TRHDE: variants seen among roughly 807,000 people sequenced by gnomAD.
TRHDE encodes thyrotropin-releasing hormone-degrading ectoenzyme.
TRHDE carries 72 observed loss-of-function variants against 125.7 expected under a neutral mutation model. The observed-to-expected ratio is 0.57, with a 90% CI of 0.47 to 0.70. TRHDE has a LOEUF of 0.70. TRHDE is among the 30% of genes least tolerant of loss of function. TRHDE has a pLI of 0.00. For missense variants in TRHDE, 1,110 were observed against 1,327.1 expected (o/e 0.84, Z 2.54); for synonymous variants, 509 against 509.1 (o/e 1.00, Z 0.00).
intron 3 of TRHDE, among the ~76,000 whole-genome samples, chr12:72,448,641 A>T (rs1875418921): frequency 6.6e-6 from 1 of 151,948 alleles, no homozygotes. Flanking sequence ...CTGAATTGTG[A>T]CATTAAGAAT....
intron 6 of TRHDE, among the ~76,000 whole-genome samples, chr12:72,509,231 T>C (rs1307649442): frequency 6.6e-6 from 1 of 152,066 alleles, no homozygotes; most frequent in Non-Finnish European, 1.5e-5. Context: ...CTGTGTCATA[T>C]TGTGCCAGTT....
intron 2 of TRHDE, among the ~76,000 whole-genome samples, chr12:72,353,616 G>A (rs1035106387): frequency 1.3e-5 from 2 of 151,446 alleles, no homozygotes; most frequent in Admixed American, 1.3e-4. Context: ...TCACAGAGCA[G>A]TTAATATACT....
intron 12 of TRHDE, among the ~76,000 whole-genome samples, chr12:72,594,149 C>T (rs1871819445): frequency 1.3e-5 from 2 of 152,100 alleles, no homozygotes; most frequent in African/African-American, 4.8e-5. Flanking sequence ...AAAAGCATTC[C>T]TATTTCTCCA....
chr12:72,337,413 G>A (rs996921881), intron 2 of TRHDE, among the ~76,000 whole-genome samples: 1 of 152,144 alleles, frequency 6.6e-6, no homozygotes, highest in African/African-American at 2.4e-5. Context: ...CAATACACAC[G>A]TGCTGTGATG....
chr12:72,563,586 C>T (rs1248129229), intron 9 of TRHDE, among the ~76,000 whole-genome samples: 1 of 152,140 alleles, frequency 6.6e-6, no homozygotes, highest in Non-Finnish European at 1.5e-5. Flanking sequence ...AGACAGCATA[C>T]ACAGAATCTT....
intron 9 of TRHDE, among the ~76,000 whole-genome samples, chr12:72,563,262 CA>C (rs1369727357): frequency 2.6e-5 from 4 of 152,170 alleles, no homozygotes; most frequent in Admixed American, 1.3e-4. Context: ...TTTAGGAAGA[CA>C]GAATTTTAAA....
chr12:72,195,188 C>T (rs945692510), intron 2 of TRHDE, among the ~76,000 whole-genome samples: 1 of 152,094 alleles, frequency 6.6e-6, no homozygotes, highest in South Asian at 2.1e-4. Flanking sequence ...GATTCAATTA[C>T]ATCCCACTGA....
intron 2 of TRHDE, among the ~76,000 whole-genome samples, chr12:72,221,739 AC>A (rs113417254): frequency 1.3e-5 from 2 of 152,232 alleles, no homozygotes; most frequent in Admixed American, 6.6e-5. Context: ...GGGGAAAAAA[AC>A]CAAATTTAGG....
chr12:72,570,090 A>G (rs1414511074), intron 10 of TRHDE, among the ~76,000 whole-genome samples: 1 of 152,212 alleles, frequency 6.6e-6, no homozygotes, highest in Non-Finnish European at 1.5e-5. Context: ...GGAAGGTAGA[A>G]TGGAAATGGG....
At chr12:72,619,146 A>G in intron 13 of TRHDE, 108 bp downstream of exon 13, 1 of 866,346 alleles carries the variant, frequency 1.2e-6, no homozygotes, top group Non-Finnish European at 1.6e-6. Flanking sequence ...TTGTTCTTCT[A>G]GTTTGTGTTA....
At chr12:72,363,955 C>T (rs969768414) in intron 2 of TRHDE, among the ~76,000 whole-genome samples, 8 of 152,020 alleles carry the variant, frequency 5.3e-5, no homozygotes, top group African/African-American at 1.9e-4. Flanking sequence ...ACAAAAATCA[C>T]AAGCATTGTT....
intron 2 of TRHDE, among the ~76,000 whole-genome samples, chr12:72,121,499 C>T (rs191449342): frequency 1.3e-5 from 2 of 152,246 alleles, no homozygotes; most frequent in Admixed American, 1.3e-4. Flanking sequence ...TACAGGGCAG[C>T]ACTGAGTTCC....
chr12:72,217,575 C>T (rs1359886941), intron 2 of TRHDE, among the ~76,000 whole-genome samples: 1 of 152,112 alleles, frequency 6.6e-6, no homozygotes, highest in Non-Finnish European at 1.5e-5. Context: ...CCTTGTTAAT[C>T]TCTATAAAAC....
chr12:72,277,775 A>T (rs1277600050), intron 1 of TRHDE, among the ~76,000 whole-genome samples: 7 of 152,148 alleles, frequency 4.6e-5, no homozygotes, highest in Non-Finnish European at 1.0e-4. Context: ...CTGTAGTGCC[A>T]TTTGATTTGA....
At position 72,109,313 on chromosome 12, in the gene TRHDE, T is replaced by C. The variant is rs1875263302; in HGVS notation, n.279+3561T>C. On this transcript the variant is annotated intron_variant and non_coding_transcript_variant, in intron 2 of 4. Coordinates refer to the TRHDE transcript ENST00000548156. ...ATACTATAAAAGATGCTATTTTTGC[T>C]CTTAATCTCTTAAGCTTTCTTTTTG... 2.6e-5 allele frequency among the ~76,000 whole-genome samples: 4 copies of C among 152,232 alleles called. No homozygotes were observed. The South Asian group carries it at 8.3e-4, about 32-fold the overall frequency.
intron 3 of TRHDE, among the ~76,000 whole-genome samples, chr12:72,447,529 T>C (rs1875355074): frequency 6.6e-6 from 1 of 152,084 alleles, no homozygotes; most frequent in Admixed American, 6.6e-5. Flanking sequence ...TGGTTCTTCA[T>C]GTATGATTCT....
At chr12:72,173,507 G>T (rs901681705) in intron 2 of TRHDE, among the ~76,000 whole-genome samples, 8 of 152,268 alleles carry the variant, frequency 5.3e-5, no homozygotes, top group Middle Eastern at 3.4e-3. Flanking sequence ...TCTTGAAATA[G>T]CCTCCCTGGC....
intron 15 of TRHDE, among the ~76,000 whole-genome samples, chr12:72,635,282 T>C (rs952002443): frequency 5.3e-5 from 8 of 152,248 alleles, no homozygotes; most frequent in African/African-American, 1.9e-4. Context: ...ATGTGTTTTT[T>C]GGCTGCATAA....
chr12:72,466,005 A>G (rs571953716), intron 3 of TRHDE, among the ~76,000 whole-genome samples: 1 of 152,224 alleles, frequency 6.6e-6, no homozygotes, highest in East Asian at 1.9e-4. Context: ...CTCTGGCTCC[A>G]TTTGCTGAAG....
Sources: gnomAD v4.1 joint callset for allele counts (sites outside exome capture counted in the v4.1 genomes callset) on GRCh38, gnomAD v4.1.1 for gene constraint, MANE v1.5 for transcripts, NCBI Gene and HGNC (gene_info 2026-07-23, HGNC 2026-07-21) for gene names.